Variants in CEP43 observed in about 807,000 individuals in gnomAD.
CEP43 encodes centrosomal protein 43.
In CEP43, 36 loss-of-function variants were observed where a neutral mutation model predicts 52.6. The ratio of observed to expected loss-of-function variants is 0.68; its 90% CI spans 0.52 to 0.90. CEP43 has a LOEUF of 0.90. Among genes scored for constraint, CEP43 ranks in the 40% least tolerant of loss-of-function variants. The pLI, the probability that CEP43 is intolerant of heterozygous loss-of-function variation, is 0.00. For synonymous variants in CEP43, 192 were observed against 172.4 expected, an observed-to-expected ratio of 1.11 and a Z score of -0.89; for missense variants, 506 against 472.8, an observed-to-expected ratio of 1.07 and a Z score of -0.65.
chr6:167,007,531 A>T (rs966024151), intron 5 of CEP43, among the ~76,000 whole-genome samples: 1 of 152,250 alleles, frequency 6.6e-6, no homozygotes, highest in African/African-American at 2.4e-5. Flanking sequence ...ATAAACAAAT[A>T]GATAAAATAT....
Position 167,040,948 on chromosome 6 carries a change from T to G in CEP43, c.*970T>G. On this transcript the variant is annotated 3_prime_UTR_variant, in exon 13 of 13. Transcript: ENST00000366847. Reference sequence around the variant, plus strand: ...AATTTCCACAGTCTCATTTATACGGTTAAAGCATTATTGCTATTATGTAGG... The same window carrying G: ...AATTTCCACAGTCTCATTTATACGGGTAAAGCATTATTGCTATTATGTAGG... The G allele has an allele frequency of 1.1e-5, 11 of 1,024,038 alleles. No homozygotes were observed. The highest frequency in any genetic ancestry group is 1.2e-5 in the Non-Finnish European group (10 of 852,008). 63.4% of individuals were successfully genotyped at this position (1,024,038 alleles called of 1,614,324 possible).
chr6:167,009,144 C>T (rs1030595447), intron 5 of CEP43, among the ~76,000 whole-genome samples: 1 of 151,168 alleles, frequency 6.6e-6, no homozygotes, highest in African/African-American at 2.4e-5. Context: ...GTAATCCCAG[C>T]GCTTTGGGAG....
chr6:167,035,562 C>CTTTT (rs529504861), intron 12 of CEP43, among the ~76,000 whole-genome samples: 1 of 149,842 alleles, frequency 6.7e-6, no homozygotes, highest in Non-Finnish European at 1.5e-5. Context: ...AGTTATTTAA[C>CTTTT]TTTTTTTTGT....
chr6:167,024,968 G>T, intron 9 of CEP43, 74 bp downstream of exon 9: 19 of 821,452 alleles, frequency 2.3e-5, no homozygotes, highest in East Asian at 1.8e-4. Flanking sequence ...GATTATTGTT[G>T]ATTTTTTTTC....
intron 10 of CEP43, among the ~76,000 whole-genome samples, chr6:167,030,831 T>C (rs889611699): frequency 2.0e-5 from 3 of 150,112 alleles, no homozygotes; most frequent in African/African-American, 7.4e-5. Context: ...TACCCTGCAC[T>C]TTTTCACTCC....
intron 5 of CEP43, among the ~76,000 whole-genome samples, chr6:167,007,787 C>G (rs1318160174): frequency 2.0e-5 from 3 of 152,110 alleles, no homozygotes; most frequent in African/African-American, 7.2e-5. Flanking sequence ...CCGCTTTAAC[C>G]TGACTTTTGT....
chr6:167,027,744 G>A, intron 10 of CEP43: 1 of 438,556 alleles, frequency 2.3e-6, no homozygotes, highest in South Asian at 9.7e-5. Flanking sequence ...CATCTGCCTT[G>A]TTTTAAAGAG....
chr6:167,027,970 C>G (rs1299137340), intron 10 of CEP43: 1 of 985,952 alleles, frequency 1.0e-6, no homozygotes, highest in Non-Finnish European at 1.2e-6. Flanking sequence ...CTTTGTGCGT[C>G]CTGGTTGCTG....
intron 1 of CEP43, 35 bp from the exon 2 acceptor site, chr6:167,000,025 A>T (rs556099598): frequency 6.4e-7 from 1 of 1,568,994 alleles, no homozygotes; most frequent in Non-Finnish European, 8.8e-7. Flanking sequence ...ATTGTCTTGA[A>T]ATTATAATTT....
chr6:167,024,575 A>C (rs1780311779), intron 8 of CEP43, among the ~76,000 whole-genome samples: 1 of 152,182 alleles, frequency 6.6e-6, no homozygotes, highest in East Asian at 1.9e-4. Flanking sequence ...CTGATTTCTT[A>C]CGCCCTGGCT....
At chr6:167,031,709 G>A (rs937476037) in intron 10 of CEP43, among the ~76,000 whole-genome samples, 7 of 152,142 alleles carry the variant, frequency 4.6e-5, no homozygotes, top group Non-Finnish European at 1.0e-4. Context: ...TGCTTCCTGG[G>A]TCTTTCATAG....
chr6:167,042,339 A>G lies in CEP43; in HGVS notation c.*2361A>G. On this transcript the variant is annotated 3_prime_UTR_variant, in exon 13 of 13. Coordinates refer to ENST00000366847, the MANE Select transcript of CEP43 (RefSeq NM_007045.4). ...TATGGTAACCTATGTTTTACAGTGG[A>G]GTTTTAAAAATGCTAGGTCTTTCTT... 6.1e-6 allele frequency: 6 copies of G among 976,142 alleles called. No individual in the cohort carries two copies. The highest frequency in any genetic ancestry group is 7.4e-6 in the Non-Finnish European group (6 of 814,778). The allele number at this position is 976,142 out of a possible 1,614,324, so 60.5% of individuals were successfully genotyped here. A position where few individuals can be genotyped will look rare whatever the true frequency, so the allele number is the denominator to read the frequency against.
rs199893388 is a variant in CEP43 at position 167,050,774 on chromosome 6, C to CG, written c.*10796_*10797insG. On this transcript the variant is annotated 3_prime_UTR_variant, in exon 13 of 13. Coordinates refer to ENST00000366847, the MANE Select transcript of CEP43 (RefSeq NM_007045.4). ...CCAGTCTGGGTGACAGAGTGAGACT[C>CG]AAAAAAGAAAAAAAAAAAAAAAAAA... The CG allele has an allele frequency of 1.9e-4, 8 of 41,196 alleles. No homozygotes were observed. The highest frequency in any genetic ancestry group is 6.6e-4 in the African/African-American group (6 of 9,102). 2.6% of individuals were successfully genotyped at this position (41,196 alleles called of 1,614,324 possible).
rs759788428 is a variant in CEP43, at chr6:167,040,111, A to G, written c.*133A>G. On this transcript the variant is annotated 3_prime_UTR_variant, in exon 13 of 13. Transcript: ENST00000366847. ...CTTGCATTTCAAAAACACTGCAGATATTTTTTAAAAGTAATTTTCATTTTA... is the reference window on the plus strand; with the variant it reads ...CTTGCATTTCAAAAACACTGCAGATGTTTTTTAAAAGTAATTTTCATTTTA... The G allele has an allele frequency of 1.9e-6, 3 of 1,578,986 alleles. No homozygotes were observed. Among genetic ancestry groups the G allele is most frequent in the Middle Eastern group, 1.7e-4 (1 of 6,028 alleles).
chr6:167,003,542 G>A (rs548227976), intron 3 of CEP43, 181 bp from the exon 4 acceptor site: 1 of 557,582 alleles, frequency 1.8e-6, no homozygotes, highest in East Asian at 2.9e-5. Context: ...GATGATCCCA[G>A]TGAAAAAATC....
At chr6:167,039,426 G>A (rs1780648718) in intron 12 of CEP43, among the ~76,000 whole-genome samples, 1 of 152,196 alleles carries the variant, frequency 6.6e-6, no homozygotes, top group South Asian at 2.1e-4. Flanking sequence ...ACTGCGCCTG[G>A]CCTATTTGTT....
chr6:167,009,586 A>G (rs1293791354), intron 5 of CEP43, among the ~76,000 whole-genome samples: 2 of 147,402 alleles, frequency 1.4e-5, no homozygotes, highest in East Asian at 4.0e-4. Context: ...AATCGCTTGA[A>G]CCCGGCAGTC....
rs373374377 is a variant in CEP43, at chr6:167,024,969, A to AT, written c.919+83dup. ...ATTAAATACTATGTGATTATTGTTG[A>AT]TTTTTTTTCCCAGGAAAATCACTAA... On this transcript the variant is annotated intron_variant, in intron 9 of 12. Coordinates refer to ENST00000366847, the MANE Select transcript of CEP43 (RefSeq NM_007045.4). The AT allele has an allele frequency of 1.3e-4, 103 of 820,186 alleles. 1 individual carries two copies. Among genetic ancestry groups the AT allele is most frequent in the Middle Eastern group, 7.1e-4 (3 of 4,250 alleles). The allele number at this position is 820,186 out of a possible 1,614,324, so 50.8% of individuals were successfully genotyped here.
intron 4 of CEP43, 89 bp from the exon 5 acceptor site, chr6:167,004,175 T>C (rs1418709283): frequency 4.6e-6 from 6 of 1,317,564 alleles, no homozygotes; most frequent in Non-Finnish European, 6.2e-6. Context: ...AGTTTAAAGA[T>C]GTCTTTAAAC....
Sources: allele counts gnomAD v4.1 joint callset (sites outside exome capture counted in the v4.1 genomes callset), GRCh38; gene constraint gnomAD v4.1.1; transcripts MANE v1.5; gene names NCBI Gene and HGNC (gene_info 2026-07-23, HGNC 2026-07-21).